The following ZHX3 variants were observed in gnomAD, a reference collection of about 807,000 sequenced individuals.
ZHX3 encodes zinc fingers and homeoboxes protein 3.
Under a neutral mutation model 64.5 loss-of-function variants are expected in ZHX3, and 20 were observed. That is an observed-to-expected ratio of 0.31 (90% CI 0.22 to 0.45). ZHX3 has a LOEUF of 0.45. Ranked by LOEUF, ZHX3 falls within the 20% of genes least tolerant of loss-of-function variation. ZHX3 has a pLI of 1.00. For synonymous variants in ZHX3, 423 were observed against 461.6 expected (o/e 0.92, Z 1.07); for missense variants, 1,041 against 1,195.8 (o/e 0.87, Z 1.91).
intron 1 of ZHX3, among the ~76,000 whole-genome samples, chr20:41,293,898 G>C (rs539345817): frequency 1.3e-5 from 2 of 152,298 alleles, no homozygotes; most frequent in East Asian, 1.9e-4. Context: ...GTGAAAACCA[G>C]AACAGATCTC....
At chr20:41,192,922 A>C (rs1328026414) in intron 3 of ZHX3, among the ~76,000 whole-genome samples, 1 of 152,136 alleles carries the variant, frequency 6.6e-6, no homozygotes, top group Non-Finnish European at 1.5e-5. Flanking sequence ...TCATGGTGGA[A>C]ATGTGGACCA....
intron 3 of ZHX3, among the ~76,000 whole-genome samples, chr20:41,198,275 T>A (rs1000856325): frequency 6.6e-6 from 1 of 151,974 alleles, no homozygotes; most frequent in Non-Finnish European, 1.5e-5. Context: ...GGATTACAGG[T>A]GTGAGCCACG....
At chr20:41,272,184 T>C (rs749107065) in intron 1 of ZHX3, 1 of 152,176 alleles carries the variant, frequency 6.6e-6, no homozygotes, top group Non-Finnish European at 1.5e-5. Context: ...TATTCTTTAA[T>C]TGTTAGTTTA....
chr20:41,257,075 G>C (rs1033197053), intron 2 of ZHX3, among the ~76,000 whole-genome samples: 2 of 152,030 alleles, frequency 1.3e-5, no homozygotes, highest in African/African-American at 4.8e-5. Flanking sequence ...CTTCAGGTTG[G>C]CTGCTTCCTA....
At chr20:41,256,154 C>T (rs1351049547) in intron 2 of ZHX3, among the ~76,000 whole-genome samples, 2 of 152,018 alleles carry the variant, frequency 1.3e-5, no homozygotes, top group Non-Finnish European at 2.9e-5. Flanking sequence ...TAAACCAAGC[C>T]TTTTTAGCAG....
chr20:41,192,660 GA>G (rs970958334), intron 3 of ZHX3, among the ~76,000 whole-genome samples: 6 of 152,236 alleles, frequency 3.9e-5, no homozygotes, highest in African/African-American at 1.4e-4. Flanking sequence ...CAGCTCTGGG[GA>G]AAACAGTCTG....
intron 1 of ZHX3, among the ~76,000 whole-genome samples, chr20:41,288,638 T>C (rs964504649): frequency 6.6e-6 from 1 of 152,140 alleles, no homozygotes; most frequent in Non-Finnish European, 1.5e-5. Context: ...TGAAAAAAAT[T>C]TTATGACAAA....
At chr20:41,312,158 A>G (rs1471815511) in intron 1 of ZHX3, among the ~76,000 whole-genome samples, 1 of 152,180 alleles carries the variant, frequency 6.6e-6, no homozygotes, top group African/African-American at 2.4e-5. Flanking sequence ...AGCACTCTGT[A>G]GCCAGGATTG....
At chr20:41,263,362 T>C (rs1005294029) in intron 2 of ZHX3, among the ~76,000 whole-genome samples, 2 of 151,218 alleles carry the variant, frequency 1.3e-5, no homozygotes, top group African/African-American at 2.4e-5. Context: ...ACACAACTAA[T>C]AATCTTGAGA....
chr20:41,188,243 A>G (rs2036690627), intron 3 of ZHX3, among the ~76,000 whole-genome samples: 1 of 152,132 alleles, frequency 6.6e-6, no homozygotes, highest in African/African-American at 2.4e-5. Context: ...TCTTTTTAAT[A>G]ATAGCCATTC....
chr20:41,214,556 TCAAA>T (rs2039387237), intron 2 of ZHX3, among the ~76,000 whole-genome samples: 1 of 152,188 alleles, frequency 6.6e-6, no homozygotes, highest in Non-Finnish European at 1.5e-5. Flanking sequence ...AAGAAAAAGT[TCAAA>T]CAAATGGCAA....
intron 1 of ZHX3, among the ~76,000 whole-genome samples, chr20:41,283,927 G>GA (rs895549286): frequency 6.6e-6 from 1 of 152,090 alleles, no homozygotes; most frequent in African/African-American, 2.4e-5. Flanking sequence ...GGAGAGAAGA[G>GA]AAAACCTTTT....
intron 1 of ZHX3, among the ~76,000 whole-genome samples, chr20:41,282,032 G>C (rs2043703472): frequency 6.6e-6 from 1 of 152,120 alleles, no homozygotes; most frequent in East Asian, 1.9e-4. Flanking sequence ...TGTGGATTGG[G>C]CATGAGGGAC....
At chr20:41,239,289 G>T (rs2041228494) in intron 2 of ZHX3, among the ~76,000 whole-genome samples, 1 of 151,892 alleles carries the variant, frequency 6.6e-6, no homozygotes, top group African/African-American at 2.4e-5. Flanking sequence ...GATTACAGGC[G>T]TGAGCCACCG....
chr20:41,188,381 G>A (rs1035099997), intron 3 of ZHX3: 1 of 147,004 alleles, frequency 6.8e-6, no homozygotes, highest in African/African-American at 2.5e-5. Flanking sequence ...GTCTATTCAT[G>A]TCTTTTGTCC....
At chr20:41,262,059 C>G (rs1298774937) in intron 2 of ZHX3, among the ~76,000 whole-genome samples, 2 of 152,208 alleles carry the variant, frequency 1.3e-5, no homozygotes, top group African/African-American at 4.8e-5. Flanking sequence ...AATTCCCAAT[C>G]TCCACCATGG....
At chr20:41,231,636 T>C (rs1179128856) in intron 2 of ZHX3, among the ~76,000 whole-genome samples, 1 of 152,208 alleles carries the variant, frequency 6.6e-6, no homozygotes, top group Admixed American at 6.5e-5. Flanking sequence ...TTGTTCATCT[T>C]TGGGTCCTCA....
chr20:41,280,826 A>C (rs1390837353), intron 1 of ZHX3, among the ~76,000 whole-genome samples: 2 of 152,188 alleles, frequency 1.3e-5, no homozygotes, highest in Non-Finnish European at 2.9e-5. Context: ...CAAACCAAGA[A>C]ATGGGAAATG....
intron 2 of ZHX3, among the ~76,000 whole-genome samples, chr20:41,247,201 G>A (rs1308105241): frequency 3.3e-5 from 5 of 152,174 alleles, no homozygotes; most frequent in Admixed American, 3.3e-4. Flanking sequence ...CCAGGAGGTC[G>A]AGGCTGCAGT....
Sources: allele counts gnomAD v4.1 joint callset (sites outside exome capture counted in the v4.1 genomes callset), GRCh38; gene constraint gnomAD v4.1.1; transcripts MANE v1.5; gene names NCBI Gene and HGNC (gene_info 2026-07-23, HGNC 2026-07-21).